Variants in RICTOR observed in about 807,000 individuals in gnomAD.
The protein encoded by RICTOR is rapamycin-insensitive companion of mTOR.
Under a neutral mutation model 214.9 loss-of-function variants are expected in RICTOR, and 49 were observed. The observed-to-expected ratio is 0.23, with a 90% CI of 0.18 to 0.29. The LOEUF (loss-of-function observed/expected upper bound fraction) is 0.29. RICTOR is among the 10% of genes least tolerant of loss of function. The pLI, the probability that RICTOR is intolerant of heterozygous loss-of-function variation, is 1.00. For missense variants in RICTOR, 1,625 were observed against 2,047.0 expected, an observed-to-expected ratio of 0.79 and a Z score of 3.98; for synonymous variants, 717 against 711.3, an observed-to-expected ratio of 1.01 and a Z score of -0.13.
chr5:39,031,494 T>C (rs1756269771), intron 2 of RICTOR, among the ~76,000 whole-genome samples: 1 of 152,200 alleles, frequency 6.6e-6, no homozygotes, highest in African/African-American at 2.4e-5. Flanking sequence ...AACTCATACC[T>C]AAATTATGGC....
At chr5:39,035,078 G>A (rs934584739) in intron 2 of RICTOR, among the ~76,000 whole-genome samples, 15 of 152,268 alleles carry the variant, frequency 9.9e-5, no homozygotes, top group African/African-American at 3.4e-4. Flanking sequence ...CCTCCAGCAG[G>A]GGCACACTGA....
At chr5:39,028,520 A>G (rs1756029130) in intron 2 of RICTOR, among the ~76,000 whole-genome samples, 1 of 151,866 alleles carries the variant, frequency 6.6e-6, no homozygotes, top group African/African-American at 2.4e-5. Flanking sequence ...ATGAAATATT[A>G]CAACCACTTT....
intron 30 of RICTOR, 126 bp from the exon 31 acceptor site, chr5:38,950,846 G>T: frequency 1.6e-6 from 1 of 637,654 alleles, no homozygotes; most frequent in South Asian, 2.9e-5. Context: ...AAAATAAACG[G>T]TTAAACCATT....
chr5:39,051,486 C>A (rs537573872), intron 2 of RICTOR, among the ~76,000 whole-genome samples: 1 of 152,180 alleles, frequency 6.6e-6, no homozygotes, highest in Admixed American at 6.5e-5. Context: ...CGGTGGCTCA[C>A]GCCTATAATC....
rs370048970 is a variant in RICTOR, at chr5:38,978,570, C to G, written c.821+13G>C. 1.2e-4 allele frequency: 166 copies of G among 1,427,056 alleles called. No homozygotes were observed. In the African/African-American group the frequency reaches 2.1e-3, roughly 18 times the overall value. The allele number at this position is 1,427,056 out of a possible 1,614,324, so 88.4% of individuals were successfully genotyped here. On this transcript the variant is annotated intron_variant, in intron 9 of 37. Transcript: ENST00000357387. Reference sequence around the variant, plus strand: ...CATTATCTTAAAAATTATTAGGAACCAATGTTACTTACTTGAGCTGTCCTT... The same window carrying G: ...CATTATCTTAAAAATTATTAGGAACGAATGTTACTTACTTGAGCTGTCCTT...
intron 2 of RICTOR, among the ~76,000 whole-genome samples, chr5:39,040,041 G>A (rs148629207): frequency 0.045 from 6,825 of 151,954 alleles, 282 homozygotes; most frequent in African/African-American, 0.1. Context: ...AGCACTATTC[G>A]CAACAGCAAA....
intron 3 of RICTOR, among the ~76,000 whole-genome samples, chr5:39,016,082 T>C (rs1311717317): frequency 6.6e-6 from 1 of 152,164 alleles, no homozygotes; most frequent in Non-Finnish European, 1.5e-5. Context: ...TACTCACTCT[T>C]AGAATAGACA....
At chr5:39,038,522 G>C (rs939126585) in intron 2 of RICTOR, among the ~76,000 whole-genome samples, 1 of 152,184 alleles carries the variant, frequency 6.6e-6, no homozygotes, top group African/African-American at 2.4e-5. Flanking sequence ...AAAAGAGGAA[G>C]TCAAACTGTC....
rs572762526 is a variant in RICTOR, at chr5:38,962,074, T to A, written c.1715+241A>T. ...ACTACCCCAATTTGAAAAACTTTTA[T>A]CTCAACTACTTCATCTATTCCAAAA... On this transcript the variant is annotated intron_variant, in intron 19 of 37. Transcript: ENST00000357387. Among the ~76,000 whole-genome samples, 20 of 152,132 alleles carry A rather than the reference T, an allele frequency of 1.3e-4. No homozygotes were observed. The South Asian group carries it at 4.1e-3, about 31-fold the overall frequency.
chr5:39,074,045 C>A (rs997056226), intron 2 of RICTOR, 66 bp downstream of exon 2: 5 of 1,294,582 alleles, frequency 3.9e-6, no homozygotes, highest in African/African-American at 3.1e-5. Flanking sequence ...GCCTCTGGCC[C>A]CCAGCCCCGG....
intron 2 of RICTOR, among the ~76,000 whole-genome samples, chr5:39,056,202 T>G (rs546805139): frequency 2.6e-5 from 4 of 152,338 alleles, no homozygotes; most frequent in African/African-American, 9.6e-5. Flanking sequence ...ACCCAGCACT[T>G]ACTATGTCCC....
intron 2 of RICTOR, among the ~76,000 whole-genome samples, chr5:39,062,151 TAAAC>T (rs1758588409): frequency 6.6e-6 from 1 of 152,054 alleles, no homozygotes; most frequent in African/African-American, 2.4e-5. Flanking sequence ...TCACTCTAAA[TAAAC>T]AAGGTAGGAA....
intron 30 of RICTOR, 87 bp from the exon 31 acceptor site, chr5:38,950,807 T>G (rs1006843541): frequency 4.1e-6 from 5 of 1,210,454 alleles, no homozygotes; most frequent in Non-Finnish European, 5.7e-6. Flanking sequence ...CAGGAAATTT[T>G]TTTTTAGTCA....
chr5:38,995,087 T>C (rs1753081481), intron 6 of RICTOR, among the ~76,000 whole-genome samples: 1 of 152,130 alleles, frequency 6.6e-6, no homozygotes, highest in African/African-American at 2.4e-5. Context: ...CAAGACAAAA[T>C]TAAAGAGAGT....
intron 2 of RICTOR, among the ~76,000 whole-genome samples, chr5:39,025,082 T>A (rs1755710286): frequency 6.6e-6 from 1 of 152,216 alleles, no homozygotes; most frequent in Admixed American, 6.5e-5. Context: ...GTCAAATGTT[T>A]GCCTAATGAA....
At chr5:39,002,708 T>A in intron 4 of RICTOR, 42 bp from the exon 5 acceptor site, 1 of 1,559,572 alleles carries the variant, frequency 6.4e-7, no homozygotes, top group South Asian at 1.2e-5. Context: ...CTGCACAGGT[T>A]TCAAATACAC....
intron 30 of RICTOR, 127 bp from the exon 31 acceptor site, chr5:38,950,847 T>C (rs1350387899): frequency 1.6e-6 from 1 of 638,464 alleles, no homozygotes; most frequent in Non-Finnish European, 2.5e-6. Flanking sequence ...AAATAAACGG[T>C]TAAACCATTC....
At chr5:39,069,773 T>G (rs1322453159) in intron 2 of RICTOR, among the ~76,000 whole-genome samples, 1 of 152,168 alleles carries the variant, frequency 6.6e-6, no homozygotes, top group Admixed American at 6.5e-5. Flanking sequence ...CTCCTCTGCT[T>G]CCTAACTTTC....
intron 3 of RICTOR, among the ~76,000 whole-genome samples, chr5:39,019,534 C>G (rs997590538): frequency 6.6e-6 from 1 of 152,138 alleles, no homozygotes; most frequent in African/African-American, 2.4e-5. Flanking sequence ...TGGATGACAG[C>G]ACATCTGTTT....
Sources: gnomAD v4.1 joint callset for allele counts (sites outside exome capture counted in the v4.1 genomes callset) on GRCh38, gnomAD v4.1.1 for gene constraint, MANE v1.5 for transcripts, NCBI Gene and HGNC (gene_info 2026-07-23, HGNC 2026-07-21) for gene names.